The following HSPA6 variants were observed in gnomAD, a reference collection of about 807,000 sequenced individuals.
The protein encoded by HSPA6 is heat shock 70 kDa protein 6.
For missense variants in HSPA6, 718 were observed against 860.9 expected (o/e 0.83, Z 2.08); for synonymous variants, 312 against 368.2 (o/e 0.85, Z 1.75).
rs1676679347 is a variant in HSPA6 at position 161,525,858 on chromosome 1, CCT to C, written c.1201_1202del (p.Leu401ValfsTer45). 1.3e-6 allele frequency: 2 copies of C among 1,593,972 alleles called. No individual in the cohort carries two copies. The highest frequency in any genetic ancestry group is 1.1e-5 in the South Asian group (1 of 89,210). The part of the protein sequence containing the change: ...QDLLLLDVAP[L>X]SLGLETAGGV... Reference sequence around the variant, plus strand: ...ATCTCCTGCTGCTGGATGTGGCTCCCCTGTCTCTGGGGCTGGAGACAGCAGGT... The same window carrying C: ...ATCTCCTGCTGCTGGATGTGGCTCCCGTCTCTGGGGCTGGAGACAGCAGGT... On this transcript the variant is annotated frameshift_variant, in exon 1 of 1. Transcript: ENST00000309758. LOFTEE classifies it low-confidence loss of function (END_TRUNC).
In HSPA6 at chr1:161,525,414, G is replaced by A. The variant is rs760939179; in HGVS notation, c.756G>A (p.Gly252=). Reference sequence around the variant, plus strand: ...TGGAAGAATTCCGGCGGAAGCATGGGAAGGACCTGAGCGGGAACAAGCGTG... The same window carrying A: ...TGGAAGAATTCCGGCGGAAGCATGGAAAGGACCTGAGCGGGAACAAGCGTG... ...HFMEEFRRKH[G]KDLSGNKRAL... is the part of the protein sequence containing the mutation. Residue 252 remains glycine, a synonymous_variant, in exon 1 of 1, where the codon GGG becomes GGA. Transcript: ENST00000309758. The A allele has an allele frequency of 2.5e-6, 4 of 1,610,306 alleles. No individual in the cohort carries two copies. The highest frequency in any genetic ancestry group is 2.7e-5 in the African/African-American group (2 of 74,836).
At position 161,526,201 on chromosome 1, in the gene HSPA6, G is replaced by A; in HGVS notation, c.1543G>A (p.Glu515Lys). ...ITNDKGRLSK[E>K]EVERMVHEAE... Reference sequence around the variant, plus strand: ...CAATGACAAGGGCCGGCTGAGCAAGGAGGAGGTGGAGAGGATGGTTCATGA... The same window carrying A: ...CAATGACAAGGGCCGGCTGAGCAAGAAGGAGGTGGAGAGGATGGTTCATGA... Residue 515 changes from glutamate (E) to lysine (K), a missense_variant, in exon 1 of 1, where the codon GAG (glutamate) becomes AAG (lysine). Physicochemically the swap from Glu to Lys is moderately conservative, Grantham distance 56 (BLOSUM62 1). Coordinates refer to ENST00000309758, the MANE Select transcript of HSPA6 (RefSeq NM_002155.5). 6.2e-7 allele frequency: 1 copy of A among 1,613,946 alleles called. No homozygotes were observed. Among genetic ancestry groups the A allele is most frequent in the Non-Finnish European group, 8.5e-7 (1 of 1,179,938 alleles).
In HSPA6 at chr1:161,526,372, A is replaced by G. The variant is rs452004; in HGVS notation, c.1714A>G (p.Met572Val). ...GATTCCCGAAGAGGACAGGCGCAAA[A>G]TGCAAGACAAGTGTCGGGAAGTCCT... The part of the protein sequence containing the change: ...DKIPEEDRRK[M>V]QDKCREVLAW... The change falls in exon 1 of 1, where the codon ATG becomes GTG. Residue 572 changes from methionine to valine, a missense_variant. Met to Val is a conservative substitution (Grantham distance 21). Transcript: ENST00000309758. 51 of 1,602,000 alleles carry G rather than the reference A, an allele frequency of 3.2e-5. No homozygotes were observed. Among genetic ancestry groups the G allele is most frequent in the East Asian group, 2.9e-4 (13 of 44,186 alleles).
chr1:161,525,624 C>G lies in HSPA6; in HGVS notation c.966C>G (p.Ala322=). 6.2e-7 allele frequency: 1 copy of G among 1,613,802 alleles called. No individual in the cohort carries two copies. Among genetic ancestry groups the G allele is most frequent in the Non-Finnish European group, 8.5e-7 (1 of 1,179,878 alleles). The change falls in exon 1 of 1, where the codon GCC becomes GCG. Residue 322 remains alanine (A), a synonymous_variant. Transcript: ENST00000309758. ...GCACCCTGGAGCCGGTGGAGAAGGC[C>G]CTGCGGGATGCCAAGCTGGACAAGG... ...FRSTLEPVEK[A]LRDAKLDKAQ... is the part of the protein sequence containing the mutation.
rs375370283 is a variant in HSPA6 at position 161,524,863 on chromosome 1, G to A, written c.205G>A (p.Val69Met). The change falls in exon 1 of 1, where the codon GTG (valine) becomes ATG (methionine). Residue 69 changes from valine (V) to methionine (M), a missense_variant. By Grantham distance (21) the Val-to-Met change is conservative. Transcript: ENST00000309758. ...SQAALNPHNT[V>M]FDAKRLIGRK... ...GGCGGCCCTGAACCCCCACAACACC[G>A]TGTTCGATGCCAAGCGGCTGATCGG... is the stretch of plus-strand genomic sequence containing the variant. 2.1e-5 allele frequency: 34 copies of A among 1,612,070 alleles called. No homozygotes were observed. In the Middle Eastern group the frequency reaches 4.9e-4, roughly 23 times the overall value.
At position 161,526,231 on chromosome 1, in the gene HSPA6, G is replaced by A. The variant is rs749779835; in HGVS notation, c.1573G>A (p.Glu525Lys). 2 of 1,613,918 alleles carry A rather than the reference G, an allele frequency of 1.2e-6. No individual in the cohort carries two copies. Among genetic ancestry groups the A allele is most frequent in the Non-Finnish European group, 1.7e-6 (2 of 1,179,938 alleles). The change falls in exon 1 of 1, where the codon GAG becomes AAG. Residue 525 changes from glutamate (E) to lysine (K), a missense_variant. Coordinates refer to ENST00000309758, the MANE Select transcript of HSPA6 (RefSeq NM_002155.5). ...GGTGGAGAGGATGGTTCATGAAGCC[G>A]AGCAGTACAAGGCTGAGGATGAGGC... ...EEVERMVHEA[E>K]QYKAEDEAQR...
chr1:161,525,020 T>A lies in HSPA6; in HGVS notation c.362T>A (p.Ile121Asn). ...GACAAGACGTTCTACCCCGAGGAGA[T>A]CTCGTCCATGGTGCTGAGCAAGATG... ...GEDKTFYPEE[I>N]SSMVLSKMKE... The change falls in exon 1 of 1, where the codon ATC becomes AAC. Residue 121 changes from isoleucine (I) to asparagine (N), a missense_variant. By Grantham distance (149) the Ile-to-Asn change is moderately radical. Transcript: ENST00000309758. 7 of 1,612,782 alleles carry A rather than the reference T, an allele frequency of 4.3e-6. No individual in the cohort carries two copies. Among genetic ancestry groups the A allele is most frequent in the Non-Finnish European group, 5.9e-6 (7 of 1,179,750 alleles).
At position 161,526,264 on chromosome 1, in the gene HSPA6, G is replaced by A. The variant is rs768856096; in HGVS notation, c.1606G>A (p.Asp536Asn). 1 of 1,613,526 alleles carries A rather than the reference G, an allele frequency of 6.2e-7. No homozygotes were observed. The highest frequency in any genetic ancestry group is 8.5e-7 in the Non-Finnish European group (1 of 1,179,684). The change falls in exon 1 of 1, where the codon GAC (aspartate) becomes AAC (asparagine). Residue 536 changes from aspartate (D) to asparagine (N), a missense_variant. Coordinates refer to ENST00000309758, the MANE Select transcript of HSPA6 (RefSeq NM_002155.5). ...CAAGGCTGAGGATGAGGCCCAGAGG[G>A]ACAGAGTGGCTGCCAAAAACTCGCT... ...QYKAEDEAQR[D>N]RVAAKNSLEA...
At position 161,526,033 on chromosome 1, in the gene HSPA6, G is replaced by A. The variant is rs200236588; in HGVS notation, c.1375G>A (p.Gly459Arg). 125 of 1,613,596 alleles carry A rather than the reference G, an allele frequency of 7.7e-5. 2 individuals carry two copies. The highest frequency in any genetic ancestry group is 1.0e-5 in the Non-Finnish European group (12 of 1,179,818). Residue 459 changes from glycine to arginine, a missense_variant, in exon 1 of 1, where the codon GGG (glycine) becomes AGG (arginine). Transcript: ENST00000309758. ...CATGACCAAGGACAACAACCTGCTG[G>A]GGCGTTTTGAACTCAGTGGCATCCC... ...RAMTKDNNLL[G>R]RFELSGIPPA...
chr1:161,526,414 A>C lies in HSPA6; in HGVS notation c.1756A>C (p.Asn586His). 1 of 1,591,338 alleles carries C rather than the reference A, an allele frequency of 6.3e-7. No homozygotes were observed. Among genetic ancestry groups the C allele is most frequent in the Non-Finnish European group, 8.6e-7 (1 of 1,167,720 alleles). The change falls in exon 1 of 1, where the codon AAC (asparagine) becomes CAC (histidine). Residue 586 changes from asparagine to histidine, a missense_variant. Asn to His is a moderately conservative substitution (Grantham distance 68). Coordinates refer to ENST00000309758, the MANE Select transcript of HSPA6 (RefSeq NM_002155.5). ...CREVLAWLEHNQLAEKEEYEH... is the reference protein window; with the variant it reads ...CREVLAWLEHHQLAEKEEYEH... ...GGAAGTCCTTGCCTGGCTGGAGCAC[A>C]ACCAGCTGGCAGAGAAGGAGGAGTA...
rs41297704 is a variant in HSPA6 at position 161,525,168 on chromosome 1, C to G, written c.510C>G (p.Asn170Lys). Residue 170 changes from asparagine (N) to lysine (K), a missense_variant, in exon 1 of 1, where the codon AAC (asparagine) becomes AAG (lysine). Transcript: ENST00000309758. ...ACGCGGGGGCCATCGCGGGGCTCAA[C>G]GTGTTGCGGATCATCAATGAGCCCA... Reference protein sequence around the residue: ...TKDAGAIAGLNVLRIINEPTA... With the variant: ...TKDAGAIAGLKVLRIINEPTA... 2.2e-5 allele frequency: 35 copies of G among 1,611,468 alleles called. No homozygotes were observed. Among genetic ancestry groups the G allele is most frequent in the Admixed American group, 2.2e-4 (13 of 59,964 alleles).
chr1:161,525,689 G>C lies in HSPA6; in HGVS notation c.1031G>C (p.Arg344Pro). The change falls in exon 1 of 1, where the codon CGC (arginine) becomes CCC (proline). Residue 344 changes from arginine to proline, a missense_variant. Coordinates refer to ENST00000309758, the MANE Select transcript of HSPA6 (RefSeq NM_002155.5). ...HDVVLVGGST[R>P]IPKVQKLLQD... ...GTCGTCCTGGTGGGGGGCTCCACAC[G>C]CATCCCCAAGGTGCAGAAGTTGCTG... The C allele has an allele frequency of 2.5e-6, 4 of 1,613,658 alleles. No individual in the cohort carries two copies. Among genetic ancestry groups the C allele is most frequent in the Non-Finnish European group, 3.4e-6 (4 of 1,179,794 alleles).
chr1:161,525,614 T>C lies in HSPA6; in HGVS notation c.956T>C (p.Val319Ala), dbSNP rs763776911. 9 of 1,613,670 alleles carry C rather than the reference T, an allele frequency of 5.6e-6. No individual in the cohort carries two copies. Among genetic ancestry groups the C allele is most frequent in the Non-Finnish European group, 7.6e-6 (9 of 1,179,806 alleles). Residue 319 changes from valine (V) to alanine (A), a missense_variant, in exon 1 of 1, where the codon GTG (valine) becomes GCG (alanine). Val to Ala is a moderately conservative substitution (Grantham distance 64). Coordinates refer to ENST00000309758, the MANE Select transcript of HSPA6 (RefSeq NM_002155.5). ...CTCTTCCGCAGCACCCTGGAGCCGG[T>C]GGAGAAGGCCCTGCGGGATGCCAAG... ...SDLFRSTLEPVEKALRDAKLD... is the reference protein window; with the variant it reads ...SDLFRSTLEPAEKALRDAKLD...
In HSPA6 at chr1:161,525,554, T is replaced by C. The variant is rs1383581949; in HGVS notation, c.896T>C (p.Ile299Thr). The C allele has an allele frequency of 4.3e-6, 7 of 1,613,442 alleles. No homozygotes were observed. In the African/African-American group the frequency reaches 8.0e-5, roughly 18 times the overall value. The stretch of plus-strand genomic sequence containing the variant: ...GAGGGCGTGGACTTCTACACGTCCA[T>C]CACTCGTGCCCGCTTTGAGGAACTG... ...LFEGVDFYTS[I>T]TRARFEELCS... Residue 299 changes from isoleucine (I) to threonine (T), a missense_variant, in exon 1 of 1, where the codon ATC becomes ACC. Transcript: ENST00000309758.
chr1:161,525,437 G>T lies in HSPA6; in HGVS notation c.779G>T (p.Arg260Leu), dbSNP rs1313114684. The T allele has an allele frequency of 6.2e-7, 1 of 1,611,642 alleles. No individual in the cohort carries two copies. Residue 260 changes from arginine (R) to leucine (L), a missense_variant, in exon 1 of 1, where the codon CGT becomes CTT. By Grantham distance (102) the Arg-to-Leu change is moderately radical. Coordinates refer to ENST00000309758, the MANE Select transcript of HSPA6 (RefSeq NM_002155.5). ...KHGKDLSGNK[R>L]ALRRLRTACE... ...GGGAAGGACCTGAGCGGGAACAAGC[G>T]TGCCCTGCGCAGGCTGCGCACAGCC... is the stretch of plus-strand genomic sequence containing the variant.
rs771473445 is a variant in HSPA6, at chr1:161,525,308, G to C, written c.650G>C (p.Gly217Ala). 2.5e-6 allele frequency: 4 copies of C among 1,614,070 alleles called. No individual in the cohort carries two copies. Among genetic ancestry groups the C allele is most frequent in the Middle Eastern group, 3.3e-4 (2 of 6,062 alleles). ...GTGTCGGTTCTCTCCATTGACGCTGGTGTCTTTGAGGTGAAAGCCACTGCT... is the reference window on the plus strand; with the variant it reads ...GTGTCGGTTCTCTCCATTGACGCTGCTGTCTTTGAGGTGAAAGCCACTGCT... ...FDVSVLSIDAGVFEVKATAGD... is the reference protein window; with the variant it reads ...FDVSVLSIDAAVFEVKATAGD... Residue 217 changes from glycine (G) to alanine (A), a missense_variant, in exon 1 of 1, where the codon GGT becomes GCT. Gly to Ala is a moderately conservative substitution (Grantham distance 60, BLOSUM62 0). Coordinates refer to ENST00000309758, the MANE Select transcript of HSPA6 (RefSeq NM_002155.5).
rs1210481485 is a variant in HSPA6 at position 161,525,987 on chromosome 1, G to A, written c.1329G>A (p.Gln443=). The A allele has an allele frequency of 1.9e-6, 3 of 1,613,726 alleles. No individual in the cohort carries two copies. In the Admixed American group the frequency reaches 5.0e-5, roughly 27 times the overall value. Residue 443 remains glutamine, a synonymous_variant, in exon 1 of 1, where the codon CAG becomes CAA. Coordinates refer to ENST00000309758, the MANE Select transcript of HSPA6 (RefSeq NM_002155.5). ...ACAACCAGCCTGGGGTCTTCATCCA[G>A]GTGTATGAGGGTGAGAGGGCCATGA... ...YSDNQPGVFI[Q]VYEGERAMTK... is the part of the protein sequence containing the mutation.
In HSPA6 at chr1:161,526,362, C is replaced by G; in HGVS notation, c.1704C>G (p.Asp568Glu). The change falls in exon 1 of 1, where the codon GAC (aspartate) becomes GAG (glutamate). Residue 568 changes from aspartate (D) to glutamate (E), a missense_variant. Coordinates refer to ENST00000309758, the MANE Select transcript of HSPA6 (RefSeq NM_002155.5). ...ESLRDKIPEE[D>E]RRKMQDKCRE... ...TTAGGGACAAGATTCCCGAAGAGGA[C>G]AGGCGCAAAATGCAAGACAAGTGTC... 3 of 1,602,674 alleles carry G rather than the reference C, an allele frequency of 1.9e-6. No homozygotes were observed. Among genetic ancestry groups the G allele is most frequent in the Non-Finnish European group, 2.6e-6 (3 of 1,173,860 alleles).
chr1:161,525,223 C>A lies in HSPA6; in HGVS notation c.565C>A (p.Arg189=). ...AGCTGCCATCGCCTATGGGCTGGAC[C>A]GGCGGGGCGCGGGAGAGCGCAACGT... ...TAAAIAYGLD[R]RGAGERNVLI... is the part of the protein sequence containing the mutation. Residue 189 remains arginine (R), a synonymous_variant, in exon 1 of 1, where the codon CGG becomes AGG. Coordinates refer to ENST00000309758, the MANE Select transcript of HSPA6 (RefSeq NM_002155.5). 1 of 1,613,966 alleles carries A rather than the reference C, an allele frequency of 6.2e-7. No individual in the cohort carries two copies. The highest frequency in any genetic ancestry group is 8.5e-7 in the Non-Finnish European group (1 of 1,179,954).
Sources: allele counts gnomAD v4.1 joint callset, GRCh38; gene constraint gnomAD v4.1.1; transcripts MANE v1.5; gene names NCBI Gene and HGNC (gene_info 2026-07-23, HGNC 2026-07-21).